Variants in AHI1 observed in about 807,000 individuals in gnomAD.
The protein encoded by AHI1 is jouberin.
A neutral mutation model predicts 149.3 loss-of-function variants in AHI1; 123 were observed. That is an observed-to-expected ratio of 0.82 (90% CI 0.71 to 0.96). The LOEUF (loss-of-function observed/expected upper bound fraction) is 0.96. AHI1 is among the 40% of genes least tolerant of loss of function. The pLI, the probability that AHI1 is intolerant of heterozygous loss-of-function variation, is 0.00. For synonymous variants in AHI1, 475 were observed against 459.8 expected (o/e 1.03, Z -0.42); for missense variants, 1,439 against 1,422.7 (o/e 1.01, Z -0.18).
chr6:135,304,422 T>TTAA (rs941242699), intron 26 of AHI1, among the ~76,000 whole-genome samples: 1 of 152,144 alleles, frequency 6.6e-6, no homozygotes, highest in Admixed American at 6.5e-5. Context: ...ATGCTCTTCC[T>TTAA]TAAGGGAAAA....
intron 21 of AHI1, among the ~76,000 whole-genome samples, chr6:135,410,540 ATC>A (rs1385389841): frequency 6.6e-6 from 1 of 152,102 alleles, no homozygotes; most frequent in African/African-American, 2.4e-5. Flanking sequence ...GTTTTCACCT[ATC>A]TCTTTTTTTC....
intron 24 of AHI1, among the ~76,000 whole-genome samples, chr6:135,335,428 T>C (rs1441408047): frequency 6.6e-6 from 1 of 151,830 alleles, no homozygotes; most frequent in Non-Finnish European, 1.5e-5. Flanking sequence ...AAGGAGAGAA[T>C]AATGAATAAA....
At chr6:135,301,610 A>C (rs1329828499) in intron 26 of AHI1, 5 of 985,334 alleles carry the variant, frequency 5.1e-6, no homozygotes. Context: ...TAATTATATG[A>C]TTATTACTGC....
In AHI1 at chr6:135,376,881, C is replaced by CAAAAAAAAAAAAA. The variant is rs1167083326; in HGVS notation, c.3109+17882_3109+17894dup. Among the ~76,000 whole-genome samples, 10 of 29,440 alleles carry CAAAAAAAAAAAAA rather than the reference C, an allele frequency of 3.4e-4. 3 individuals are homozygous for CAAAAAAAAAAAAA. Among genetic ancestry groups the CAAAAAAAAAAAAA allele is most frequent in the African/African-American group, 1.3e-3 (8 of 6,242 alleles). The allele number at this position is 29,440 out of a possible 152,430, so 19.3% of individuals were successfully genotyped here. On this transcript the variant is annotated intron_variant, in intron 23 of 28. Transcript: ENST00000265602. Reference sequence around the variant, plus strand: ...TCGGTGACAGAGCGAGACTCCATCTCAAAAAAAAAAAAAAAAAAAAAAAAA... The same window carrying CAAAAAAAAAAAAA: ...TCGGTGACAGAGCGAGACTCCATCTCAAAAAAAAAAAAAAAAAAAAAAAAAAAAAAAAAAAAAA...
chr6:135,402,697 G>A (rs374758524), intron 22 of AHI1, among the ~76,000 whole-genome samples: 14 of 152,196 alleles, frequency 9.2e-5, no homozygotes, highest in African/African-American at 3.4e-4. Flanking sequence ...GAAGACAAAG[G>A]AAGACCTCTA....
chr6:135,436,628 A>G (rs1785436307), intron 15 of AHI1, among the ~76,000 whole-genome samples: 1 of 152,178 alleles, frequency 6.6e-6, no homozygotes, highest in Admixed American at 6.5e-5. Context: ...TTTGAGGCAG[A>G]GTCTCAATCT....
In AHI1 at chr6:135,453,298, T is replaced by C. The variant is rs547099755; in HGVS notation, c.1440+43A>G. The C allele has an allele frequency of 6.9e-6, 10 of 1,444,950 alleles. No individual in the cohort carries two copies. In the African/African-American group the frequency reaches 1.1e-4, roughly 16 times the overall value. 89.5% of individuals were successfully genotyped at this position (1,444,950 alleles called of 1,614,324 possible). ...TTGGGAGAAAGCAGCCAACTAAATT[T>C]GAAGACTAGTTTTAAAGTGTTTAAA... On this transcript the variant is annotated intron_variant, in intron 11 of 28. Transcript: ENST00000265602.
At chr6:135,414,337 G>A (rs1403013664) in intron 20 of AHI1, among the ~76,000 whole-genome samples, 1 of 152,152 alleles carries the variant, frequency 6.6e-6, no homozygotes, top group Non-Finnish European at 1.5e-5. Context: ...ACCCAAAGCT[G>A]TAAGACTTCT....
chr6:135,311,292 A>T (rs528505673), intron 26 of AHI1, among the ~76,000 whole-genome samples: 18 of 110,502 alleles, frequency 1.6e-4, no homozygotes, highest in Non-Finnish European at 2.8e-4. Context: ...ACAGGGCGAG[A>T]CCCCGCCTCA....
chr6:135,468,403 C>T (rs1011819326), intron 5 of AHI1, among the ~76,000 whole-genome samples: 5 of 151,886 alleles, frequency 3.3e-5, no homozygotes, highest in Non-Finnish European at 7.4e-5. Context: ...ACACAAAAAA[C>T]CCTTCAAAAA....
intron 26 of AHI1, among the ~76,000 whole-genome samples, chr6:135,313,033 A>G (rs1003526128): frequency 6.6e-6 from 1 of 152,252 alleles, no homozygotes; most frequent in African/African-American, 2.4e-5. Flanking sequence ...ATATTTTAAT[A>G]AAGGAGCTAA....
chr6:135,372,556 G>A (rs1188977126), intron 23 of AHI1, among the ~76,000 whole-genome samples: 1 of 151,846 alleles, frequency 6.6e-6, no homozygotes, highest in African/African-American at 2.4e-5. Flanking sequence ...CTGGATGTGG[G>A]TGTGCATGTG....
chr6:135,448,589 T>A, intron 11 of AHI1, 114 bp from the exon 12 acceptor site: 1 of 851,564 alleles, frequency 1.2e-6, no homozygotes, highest in African/African-American at 1.7e-5. Flanking sequence ...ATGCTGAAAT[T>A]TCTTAGTTTT....
intron 23 of AHI1, among the ~76,000 whole-genome samples, chr6:135,361,271 T>G (rs1432152786): frequency 6.6e-6 from 1 of 152,222 alleles, no homozygotes; most frequent in Non-Finnish European, 1.5e-5. Context: ...ATTTAACTTC[T>G]ATATGTTATA....
At chr6:135,323,078 G>A (rs531393755) in intron 25 of AHI1, 84 bp downstream of exon 25, 1 of 1,388,974 alleles carries the variant, frequency 7.2e-7, no homozygotes. Context: ...TACAAAGACA[G>A]TAAATTAAAG....
intron 20 of AHI1, among the ~76,000 whole-genome samples, chr6:135,422,619 T>TTATGTATGTATG (rs71006761): frequency 2.4e-4 from 36 of 147,840 alleles, no homozygotes; most frequent in South Asian, 2.0e-3. Context: ...AGTTTTATTT[T>TTATGTATGTATG]TATGTATGTA....
At chr6:135,406,388 C>G (rs148346064) in intron 21 of AHI1, among the ~76,000 whole-genome samples, 1 of 152,306 alleles carries the variant, frequency 6.6e-6, no homozygotes, top group Non-Finnish European at 1.5e-5. Flanking sequence ...GTCCAACTAC[C>G]TGGGCTGAAT....
chr6:135,303,600 CAT>C (rs1344274020), intron 26 of AHI1, among the ~76,000 whole-genome samples: 1 of 150,446 alleles, frequency 6.6e-6, no homozygotes, highest in East Asian at 2.0e-4. Context: ...AAAATAAAAA[CAT>C]AAGCATCATA....
At chr6:135,350,411 A>T (rs1791901332) in intron 24 of AHI1, among the ~76,000 whole-genome samples, 1 of 152,118 alleles carries the variant, frequency 6.6e-6, no homozygotes, top group African/African-American at 2.4e-5. Context: ...ATGAACATAC[A>T]TCTAGGCCGG....
Sources: gnomAD v4.1 joint callset for allele counts (sites outside exome capture counted in the v4.1 genomes callset) on GRCh38, gnomAD v4.1.1 for gene constraint, MANE v1.5 for transcripts, NCBI Gene and HGNC (gene_info 2026-07-23, HGNC 2026-07-21) for gene names.